SPAG16: variants seen among roughly 807,000 people sequenced by gnomAD.
SPAG16 encodes sperm-associated antigen 16 protein.
A neutral mutation model predicts 80.4 loss-of-function variants in SPAG16; 86 were observed. The observed-to-expected ratio is 1.07, with a 90% CI of 0.90 to 1.28. SPAG16 has a LOEUF of 1.28. Ranked by LOEUF, SPAG16 falls within the 50% of genes most tolerant of loss-of-function variation. The probability of loss-of-function intolerance (pLI) is 0.00; values close to 1 mark genes in which losing one functional copy is unlikely to be tolerated. For missense variants in SPAG16, 870 were observed against 765.3 expected, an observed-to-expected ratio of 1.14 and a Z score of -1.61; for synonymous variants, 294 against 265.9, an observed-to-expected ratio of 1.11 and a Z score of -1.03.
intron 15 of SPAG16, among the ~76,000 whole-genome samples, chr2:214,257,787 T>C (rs1441419757): frequency 6.6e-6 from 1 of 152,098 alleles, no homozygotes; most frequent in African/African-American, 2.4e-5. Context: ...TGGATTTATA[T>C]TTGTAAATGT....
intron 10 of SPAG16, among the ~76,000 whole-genome samples, chr2:213,573,207 C>G (rs982322231): frequency 3.3e-5 from 5 of 151,976 alleles, no homozygotes; most frequent in Non-Finnish European, 7.4e-5. Context: ...CTGCGTCGGT[C>G]ACGCTGGGAG....
At chr2:214,009,483 T>A (rs2047184711) in intron 12 of SPAG16, among the ~76,000 whole-genome samples, 1 of 152,186 alleles carries the variant, frequency 6.6e-6, no homozygotes, top group African/African-American at 2.4e-5. Context: ...TACAGTTGCT[T>A]ATTATAAGAG....
intron 13 of SPAG16, among the ~76,000 whole-genome samples, chr2:214,080,394 C>G (rs192802010): frequency 0.019 from 2,812 of 150,522 alleles, 94 homozygotes; most frequent in African/African-American, 0.065. Context: ...GTCAGGAGAT[C>G]AAGACCATCC....
At chr2:213,897,930 T>C (rs2077059526) in intron 11 of SPAG16, among the ~76,000 whole-genome samples, 1 of 152,192 alleles carries the variant, frequency 6.6e-6, no homozygotes. Flanking sequence ...ACTTCTTTTG[T>C]AAAATTTCTT....
intron 11 of SPAG16, among the ~76,000 whole-genome samples, chr2:213,929,162 C>G (rs879361790): frequency 6.6e-6 from 1 of 151,656 alleles, no homozygotes; most frequent in African/African-American, 2.4e-5. Context: ...TACAGGCGCA[C>G]GCCACCATGC....
At chr2:214,114,591 G>T (rs941342668) in intron 14 of SPAG16, among the ~76,000 whole-genome samples, 12 of 152,158 alleles carry the variant, frequency 7.9e-5, no homozygotes, top group Non-Finnish European at 1.6e-4. Context: ...CTCCATGAGC[G>T]TGGGACCCCC....
intron 10 of SPAG16, among the ~76,000 whole-genome samples, chr2:213,727,855 TA>T (rs930112251): frequency 1.3e-5 from 2 of 152,158 alleles, no homozygotes; most frequent in African/African-American, 4.8e-5. Flanking sequence ...TATTTTATTT[TA>T]TTTTATTTTG....
chr2:214,322,482 T>C (rs1181588513), intron 15 of SPAG16, among the ~76,000 whole-genome samples: 1 of 148,482 alleles, frequency 6.7e-6, no homozygotes, highest in Non-Finnish European at 1.5e-5. Flanking sequence ...TATTTCTAAT[T>C]TGCATACAGA....
At chr2:213,649,896 A>G (rs957583364) in intron 10 of SPAG16, among the ~76,000 whole-genome samples, 3 of 152,158 alleles carry the variant, frequency 2.0e-5, no homozygotes, top group Non-Finnish European at 2.9e-5. Flanking sequence ...ATCCAAAACT[A>G]TGAGAAGAGA....
chr2:213,698,806 C>G (rs2065269669), intron 10 of SPAG16, among the ~76,000 whole-genome samples: 1 of 152,136 alleles, frequency 6.6e-6, no homozygotes, highest in African/African-American at 2.4e-5. Context: ...TTTGGTGTCA[C>G]TGAACTGATT....
At chr2:213,291,547 G>A (rs550594540) in intron 1 of SPAG16, among the ~76,000 whole-genome samples, 3 of 152,154 alleles carry the variant, frequency 2.0e-5, no homozygotes, top group Non-Finnish European at 4.4e-5. Flanking sequence ...TGAGTCTGTA[G>A]CCTGTAGCTC....
intron 9 of SPAG16, among the ~76,000 whole-genome samples, chr2:213,435,176 C>A (rs1344236244): frequency 6.6e-6 from 1 of 152,126 alleles, no homozygotes; most frequent in Non-Finnish European, 1.5e-5. Flanking sequence ...CTTGTAGCAA[C>A]ATGGATATGT....
chr2:214,187,629 G>A (rs906296250), intron 15 of SPAG16, among the ~76,000 whole-genome samples: 41 of 151,850 alleles, frequency 2.7e-4, no homozygotes, highest in Non-Finnish European at 1.0e-4. Flanking sequence ...TGTAGCAGAA[G>A]ACAGCAAGGA....
intron 10 of SPAG16, among the ~76,000 whole-genome samples, chr2:213,621,315 A>T (rs6747293): frequency 0.29 from 44,406 of 152,068 alleles, 7,454 homozygotes; most frequent in Middle Eastern, 0.46. Context: ...TGAAAGAAAA[A>T]TATGTTACAA....
intron 8 of SPAG16, among the ~76,000 whole-genome samples, chr2:213,373,171 C>G (rs2125191112): frequency 1.3e-5 from 2 of 152,178 alleles, no homozygotes; most frequent in South Asian, 4.2e-4. Context: ...GAGACAAAGA[C>G]TTTGCTGGGA....
intron 9 of SPAG16, among the ~76,000 whole-genome samples, chr2:213,443,202 T>A (rs1258602182): frequency 6.6e-6 from 1 of 152,180 alleles, no homozygotes; most frequent in Non-Finnish European, 1.5e-5. Flanking sequence ...TCTTAGCAAA[T>A]TTTTAGTATG....
chr2:214,109,081 C>G (rs1344509689), intron 14 of SPAG16, among the ~76,000 whole-genome samples: 3 of 152,154 alleles, frequency 2.0e-5, no homozygotes, highest in Non-Finnish European at 4.4e-5. Context: ...CTCTCTTGCT[C>G]TTTTTCCTCC....
intron 10 of SPAG16, among the ~76,000 whole-genome samples, chr2:213,742,547 C>CTTTTTTTTTT (rs35850810): frequency 1.2e-4 from 3 of 24,806 alleles, no homozygotes; most frequent in Non-Finnish European, 1.7e-4. Context: ...TTGCTTATTT[C>CTTTTTTTTTT]TTTTTTTTTT....
intron 10 of SPAG16, among the ~76,000 whole-genome samples, chr2:213,564,957 C>CA (rs1483371482): frequency 6.6e-6 from 1 of 152,088 alleles, no homozygotes; most frequent in Non-Finnish European, 1.5e-5. Context: ...ATTATAATCA[C>CA]AAAAATGAAT....
Sources: allele counts gnomAD v4.1 joint callset (sites outside exome capture counted in the v4.1 genomes callset), GRCh38; gene constraint gnomAD v4.1.1; transcripts MANE v1.5; gene names NCBI Gene and HGNC (gene_info 2026-07-23, HGNC 2026-07-21).